NAP1L4: variants seen among roughly 807,000 people sequenced by gnomAD.
NAP1L4 encodes the protein nucleosome assembly protein 1 like 4, also known as nucleosome assembly protein 1-like 4.
Under a neutral mutation model 58.2 loss-of-function variants are expected in NAP1L4, and 15 were observed. The ratio of observed to expected loss-of-function variants is 0.26; its 90% CI spans 0.17 to 0.40. The LOEUF is 0.40. Among genes scored for constraint, NAP1L4 ranks in the 10% least tolerant of loss-of-function variants. The pLI, the probability that NAP1L4 is intolerant of heterozygous loss-of-function variation, is 1.00. For synonymous variants in NAP1L4, 171 were observed against 155.6 expected (o/e 1.10, Z -0.74); for missense variants, 384 against 451.1 (o/e 0.85, Z 1.35).
At chr11:2,945,984 G>A (rs757787400) in intron 15 of NAP1L4, among the ~76,000 whole-genome samples, 1 of 152,176 alleles carries the variant, frequency 6.6e-6, no homozygotes, top group East Asian at 1.9e-4. Context: ...TGCCCACACA[G>A]AGCACAGTGC....
chr11:2,953,141 C>T (rs1435180258), intron 12 of NAP1L4, among the ~76,000 whole-genome samples: 2 of 152,232 alleles, frequency 1.3e-5, no homozygotes, highest in Non-Finnish European at 2.9e-5. Flanking sequence ...TGAGCTGGCA[C>T]TTCTAGCCTC....
rs904087471 is a variant in NAP1L4 at position 2,955,221 on chromosome 11, C to T, written c.915+523G>A. 3.9e-5 allele frequency among the ~76,000 whole-genome samples: 6 copies of T among 152,004 alleles called. No individual in the cohort carries two copies. The highest frequency in any genetic ancestry group is 5.9e-5 in the Non-Finnish European group (4 of 68,002). ...TAATTTATTATTTTATCTTTTGAGA[C>T]GGAGTCTTGCTCTGTCGCCCAATGG... On this transcript the variant is annotated intron_variant, in intron 11 of 15. Coordinates refer to ENST00000380542, the MANE Select transcript of NAP1L4 (RefSeq NM_005969.4). The surrounding 1 kb of genome is among the most constrained non-coding windows in gnomAD (Gnocchi z 4.2).
intron 4 of NAP1L4, among the ~76,000 whole-genome samples, chr11:2,972,747 T>C (rs1017352256): frequency 7.2e-5 from 11 of 152,174 alleles, no homozygotes; most frequent in East Asian, 3.8e-4. Flanking sequence ...CAAGGTAGGA[T>C]TGCTTGAGGG....
At chr11:2,961,690 T>G (rs544127704) in intron 8 of NAP1L4, among the ~76,000 whole-genome samples, 2 of 152,024 alleles carry the variant, frequency 1.3e-5, no homozygotes, top group African/African-American at 4.8e-5. Context: ...ACTCATTTTT[T>G]CCCCTCCTTT....
intron 14 of NAP1L4, among the ~76,000 whole-genome samples, chr11:2,950,589 CTT>C (rs1423329416): frequency 6.6e-6 from 1 of 152,202 alleles, no homozygotes; most frequent in East Asian, 1.9e-4. Flanking sequence ...AGAAGAAACT[CTT>C]ATGATGCTGT....
chr11:2,956,348 G>C (rs1846538506), intron 10 of NAP1L4, among the ~76,000 whole-genome samples: 1 of 152,120 alleles, frequency 6.6e-6, no homozygotes, highest in African/African-American at 2.4e-5. Flanking sequence ...AAGACAGATA[G>C]GGACTTCTAA....
chr11:2,953,880 AAC>A (rs1431525159), intron 12 of NAP1L4, among the ~76,000 whole-genome samples: 2 of 152,258 alleles, frequency 1.3e-5, no homozygotes, highest in Non-Finnish European at 2.9e-5. Context: ...TACTTCCAGT[AAC>A]AGTCTATAAA....
At chr11:2,977,976 G>C (rs1195868692) in intron 3 of NAP1L4, among the ~76,000 whole-genome samples, 1 of 151,806 alleles carries the variant, frequency 6.6e-6, no homozygotes, top group Non-Finnish European at 1.5e-5. Context: ...AGACCAGCCT[G>C]GGTAACACAG....
chr11:2,977,931 G>C (rs1848062862), intron 3 of NAP1L4, among the ~76,000 whole-genome samples: 1 of 151,082 alleles, frequency 6.6e-6, no homozygotes, highest in African/African-American at 2.4e-5. Context: ...TACCTGGGAG[G>C]CTGCGGCAGG....
chr11:2,981,962 G>A (rs1163977704), intron 1 of NAP1L4, among the ~76,000 whole-genome samples: 1 of 152,184 alleles, frequency 6.6e-6, no homozygotes, highest in Non-Finnish European at 1.5e-5. Context: ...TGCAATCACA[G>A]TATTCCTGAG....
At chr11:2,958,774 C>CAAT in intron 9 of NAP1L4, 2 of 543,730 alleles carry the variant, frequency 3.7e-6, no homozygotes, top group Non-Finnish European at 6.5e-6. Context: ...ACTTCTGGAA[C>CAAT]AATGGTATTA....
At chr11:2,973,845 T>C (rs922578929) in intron 4 of NAP1L4, among the ~76,000 whole-genome samples, 1 of 152,190 alleles carries the variant, frequency 6.6e-6, no homozygotes, top group Non-Finnish European at 1.5e-5. Context: ...CTCGGCTCAC[T>C]GTAGCCTCAA....
intron 10 of NAP1L4, among the ~76,000 whole-genome samples, chr11:2,957,741 AAAAT>A (rs1487885701): frequency 6.6e-6 from 1 of 152,232 alleles, no homozygotes; most frequent in Non-Finnish European, 1.5e-5. Context: ...GAAAATTTAA[AAAAT>A]AAATAAATAA....
chr11:2,950,068 A>G (rs1300264512), intron 14 of NAP1L4, among the ~76,000 whole-genome samples: 2 of 152,202 alleles, frequency 1.3e-5, no homozygotes, highest in East Asian at 3.8e-4. Flanking sequence ...TATTCACCCA[A>G]CGTTGTTCAC....
intron 1 of NAP1L4, among the ~76,000 whole-genome samples, chr11:2,984,357 G>A (rs1024344300): frequency 2.0e-5 from 3 of 152,054 alleles, no homozygotes; most frequent in African/African-American, 7.2e-5. Flanking sequence ...CGGATCATCT[G>A]AGGTCAGGAG....
rs1185794069 is a variant in NAP1L4, at chr11:2,978,349, C to T, written c.15-7G>A. ...AGGAACCCCATCTGAAAAACTAAAACAACAGTATGTTTAAAAAGTATTACT... is the reference window on the plus strand; with the variant it reads ...AGGAACCCCATCTGAAAAACTAAAATAACAGTATGTTTAAAAAGTATTACT... On this transcript the variant is annotated splice_region_variant and splice_polypyrimidine_tract_variant and intron_variant, in intron 2 of 15. Transcript: ENST00000380542. 6.2e-7 allele frequency: 1 copy of T among 1,613,198 alleles called. No individual in the cohort carries two copies. Among genetic ancestry groups the T allele is most frequent in the Non-Finnish European group, 8.5e-7 (1 of 1,179,532 alleles).
chr11:2,967,573 T>C (rs567833317), intron 7 of NAP1L4, among the ~76,000 whole-genome samples: 70 of 144,866 alleles, frequency 4.8e-4, no homozygotes, highest in African/African-American at 1.8e-3. Flanking sequence ...ATCACGCCAC[T>C]GCACTCCAGC....
Position 2,951,894 on chromosome 11 carries a change from T to C in NAP1L4, c.1036-85A>G. Reference sequence around the variant, plus strand: ...ACACCAGTCCCATCAAGTGACTCACTGACCAAGCCTAAGAGGAGCAGAAAG... The same window carrying C: ...ACACCAGTCCCATCAAGTGACTCACCGACCAAGCCTAAGAGGAGCAGAAAG... On this transcript the variant is annotated intron_variant, in intron 12 of 15. Coordinates refer to ENST00000380542, the MANE Select transcript of NAP1L4 (RefSeq NM_005969.4). The surrounding 1 kb of genome is among the most constrained non-coding windows in gnomAD (Gnocchi z 4.0). 7.5e-7 allele frequency: 1 copy of C among 1,339,594 alleles called. No homozygotes were observed. The allele number at this position is 1,339,594 out of a possible 1,614,324, so 83.0% of individuals were successfully genotyped here. A position where few individuals can be genotyped will look rare whatever the true frequency, so the allele number is the denominator to read the frequency against.
rs954549040 is a variant in NAP1L4 at position 2,955,586 on chromosome 11, G to A, written c.915+158C>T. On this transcript the variant is annotated intron_variant, in intron 11 of 15. Coordinates refer to ENST00000380542, the MANE Select transcript of NAP1L4 (RefSeq NM_005969.4). The surrounding 1 kb of genome is among the most constrained non-coding windows in gnomAD (Gnocchi z 4.2). ...AGGCTGGTCTCAAACTCCTGGACTC[G>A]TGCAGTCCTCCCACCTCAGCCTCCC... is the stretch of plus-strand genomic sequence containing the variant. 2.6e-5 allele frequency among the ~76,000 whole-genome samples: 4 copies of A among 151,918 alleles called. No individual in the cohort carries two copies. Among genetic ancestry groups the A allele is most frequent in the Non-Finnish European group, 4.4e-5 (3 of 67,966 alleles).
Sources: gnomAD v4.1 joint callset for allele counts (sites outside exome capture counted in the v4.1 genomes callset) on GRCh38, gnomAD v4.1.1 for gene constraint, Gnocchi (gnomAD v3.1) non-coding constraint, MANE v1.5 for transcripts, NCBI Gene and HGNC (gene_info 2026-07-23, HGNC 2026-07-21) for gene names.